ZNF592: variants seen among roughly 807,000 people sequenced by gnomAD.
ZNF592 encodes the protein zinc finger protein 592.
ZNF592 carries 11 observed loss-of-function variants against 80.3 expected under a neutral mutation model. The observed-to-expected ratio is 0.14, with a 90% CI of 0.09 to 0.23. ZNF592 has a LOEUF of 0.23. Ranked by LOEUF, ZNF592 falls within the 10% of genes least tolerant of loss-of-function variation. ZNF592 has a pLI of 1.00. For missense variants in ZNF592, 1,420 were observed against 1,633.9 expected (o/e 0.87, Z 2.26); for synonymous variants, 646 against 640.3 (o/e 1.01, Z -0.13).
In ZNF592 at chr15:84,784,902, A is replaced by G. The variant is rs759357901; in HGVS notation, c.2220+7A>G. ...AGAGGAGACAGAGGGGCTGGTAAGC[A>G]GACCCTCACTGTTACGGGTATCGGG... is the stretch of plus-strand genomic sequence containing the variant. On this transcript the variant is annotated splice_region_variant and intron_variant, in intron 4 of 10. Coordinates refer to ENST00000560079, the MANE Select transcript of ZNF592 (RefSeq NM_014630.3). This position sits in a 1 kb window ranked among gnomAD's most constrained non-coding sequence, Gnocchi z 5.8. 6.2e-7 allele frequency: 1 copy of G among 1,614,134 alleles called. No individual in the cohort carries two copies. The highest frequency in any genetic ancestry group is 1.1e-5 in the South Asian group (1 of 91,044).
chr15:84,779,403 T>G (rs1962356265), intron 3 of ZNF592, among the ~76,000 whole-genome samples: 1 of 152,208 alleles, frequency 6.6e-6, no homozygotes, highest in African/African-American at 2.4e-5. Context: ...CAGTTATTGA[T>G]TGCTGCTGTT....
At chr15:84,782,244 C>T (rs866991152) in intron 3 of ZNF592, among the ~76,000 whole-genome samples, 4 of 152,234 alleles carry the variant, frequency 2.6e-5, no homozygotes, top group Non-Finnish European at 4.4e-5. Context: ...GAAGTTATAG[C>T]CAGGTTTCAT....
chr15:84,783,884 G>C lies in ZNF592; in HGVS notation c.1209G>C (p.Lys403Asn). The C allele has an allele frequency of 6.2e-7, 1 of 1,614,212 alleles. No individual in the cohort carries two copies. Residue 403 changes from lysine to asparagine, a missense_variant, in exon 4 of 11, where the codon AAG (lysine) becomes AAC (asparagine). This residue lies in a region of ZNF592 where 524 missense variants were observed against 628.3 expected (regional missense o/e 0.83). Transcript: ENST00000560079. The surrounding 1 kb of genome is among the most constrained non-coding windows in gnomAD (Gnocchi z 5.0). Reference protein sequence around the residue: ...RILPDPDDPSKSPVGSPLGSA... With the variant: ...RILPDPDDPSNSPVGSPLGSA... ...TGCCAGATCCTGATGATCCAAGTAAGTCCCCTGTTGGGTCACCTCTAGGGA... is the reference window on the plus strand; with the variant it reads ...TGCCAGATCCTGATGATCCAAGTAACTCCCCTGTTGGGTCACCTCTAGGGA...
chr15:84,797,890 C>G lies in ZNF592; in HGVS notation c.2421C>G (p.Val807=). ...CTAGGTGCATCCACTGTGGTGTCGT[C>G]CACCTGACCTTGGCCTTGCTGAAAA... is the stretch of plus-strand genomic sequence containing the variant. ...VGYRCIHCGV[V]HLTLALLKSH... is the part of the protein sequence containing the mutation. The change falls in exon 6 of 11, where the codon GTC becomes GTG. Residue 807 remains valine, a synonymous_variant. Coordinates refer to ENST00000560079, the MANE Select transcript of ZNF592 (RefSeq NM_014630.3). The G allele has an allele frequency of 1.9e-6, 3 of 1,614,230 alleles. No individual in the cohort carries two copies. Among genetic ancestry groups the G allele is most frequent in the Non-Finnish European group, 2.5e-6 (3 of 1,180,038 alleles).
At chr15:84,779,082 G>C (rs1273715272) in intron 3 of ZNF592, among the ~76,000 whole-genome samples, 1 of 152,230 alleles carries the variant, frequency 6.6e-6, no homozygotes, top group Non-Finnish European at 1.5e-5. Flanking sequence ...TAGAGAGACA[G>C]AGGGAGGGGG....
chr15:84,764,061 C>G (rs72753029), intron 1 of ZNF592, among the ~76,000 whole-genome samples: 3,586 of 152,334 alleles, frequency 0.024, 67 homozygotes, highest in Non-Finnish European at 0.039. Context: ...TCCTACACTG[C>G]TATCTGCCCC....
At position 84,797,857 on chromosome 15, in the gene ZNF592, A is replaced by T; in HGVS notation, c.2400-12A>T. On this transcript the variant is annotated splice_polypyrimidine_tract_variant and intron_variant, in intron 5 of 10. Coordinates refer to ENST00000560079, the MANE Select transcript of ZNF592 (RefSeq NM_014630.3). The stretch of plus-strand genomic sequence containing the variant: ...ACTCCACCCACACTCACACTACCCC[A>T]CTTCTGTCTAGGTGCATCCACTGTG... 6.2e-7 allele frequency: 1 copy of T among 1,613,910 alleles called. No homozygotes were observed. Among genetic ancestry groups the T allele is most frequent in the Non-Finnish European group, 8.5e-7 (1 of 1,179,970 alleles).
chr15:84,748,771 G>A (rs1389980512), intron 1 of ZNF592, 107 bp downstream of exon 1: 3 of 147,040 alleles, frequency 2.0e-5, no homozygotes, highest in Non-Finnish European at 4.5e-5. Context: ...CCGAGCCGGG[G>A]CCCGGCCCTG....
chr15:84,784,778 A>G lies in ZNF592; in HGVS notation c.2103A>G (p.Pro701=), dbSNP rs1021850468. The G allele has an allele frequency of 1.9e-6, 3 of 1,614,084 alleles. No homozygotes were observed. The highest frequency in any genetic ancestry group is 2.5e-6 in the Non-Finnish European group (3 of 1,180,014). Residue 701 remains proline (P), a synonymous_variant, in exon 4 of 11, where the codon CCA becomes CCG. Transcript: ENST00000560079. The surrounding 1 kb of genome is among the most constrained non-coding windows in gnomAD (Gnocchi z 5.8). The part of the protein sequence containing the change: ...SPPPPALPLY[P]DPVRLIRYSI... ...CTCCTCCAGCCTTGCCACTCTACCC[A>G]GACCCTGTGAGGCTCATCCGGTACT...
intron 1 of ZNF592, among the ~76,000 whole-genome samples, chr15:84,759,587 A>G (rs1899281127): frequency 1.3e-5 from 2 of 151,968 alleles, no homozygotes; most frequent in Non-Finnish European, 2.9e-5. Flanking sequence ...TCCTGTTTTA[A>G]ATTATTTATA....
Position 84,784,576 on chromosome 15 carries a change from G to A in ZNF592, c.1901G>A (p.Arg634Gln), listed in dbSNP as rs765449529. The change falls in exon 4 of 11, where the codon CGG becomes CAG. Residue 634 changes from arginine (R) to glutamine (Q), a missense_variant. Around this residue, in one of 7 missense-constraint regions of ZNF592, gnomAD observed 524 missense variants for 628.3 expected, o/e 0.83. Coordinates refer to ENST00000560079, the MANE Select transcript of ZNF592 (RefSeq NM_014630.3). This position sits in a 1 kb window ranked among gnomAD's most constrained non-coding sequence, Gnocchi z 5.8. ...TTCTTCAACAAGTGCAGCCTGCTCC[G>A]GCACGCCCGTGACCACAAGAGCAAG... Reference protein sequence around the residue: ...LLFFNKCSLLRHARDHKSKGL... With the variant: ...LLFFNKCSLLQHARDHKSKGL... 5.0e-6 allele frequency: 8 copies of A among 1,614,172 alleles called. No individual in the cohort carries two copies. Among genetic ancestry groups the A allele is most frequent in the Middle Eastern group, 1.6e-4 (1 of 6,062 alleles).
intron 2 of ZNF592, among the ~76,000 whole-genome samples, chr15:84,776,923 G>A (rs529317825): frequency 7.4e-4 from 112 of 151,878 alleles, no homozygotes; most frequent in Non-Finnish European, 1.4e-3. Flanking sequence ...GTGGTGGTGC[G>A]TGCCTATAAT....
rs910585869 is a variant in ZNF592 at position 84,798,040 on chromosome 15, C to T, written c.2571C>T (p.Pro857=). 3.7e-6 allele frequency: 6 copies of T among 1,613,728 alleles called. No homozygotes were observed. The African/African-American group carries it at 6.7e-5, about 18-fold the overall frequency. The change falls in exon 6 of 11, where the codon CCC becomes CCT. Residue 857 remains proline, a synonymous_variant. Transcript: ENST00000560079. This position sits in a 1 kb window ranked among gnomAD's most constrained non-coding sequence, Gnocchi z 4.5. ...AGCACCCCACCCAGCCCCACAGACC[C>T]TCCCAGTGAGTGCAGCTCCAGGGCC... ...ATQHPTQPHR[P]SQLIYKCSCE...
Position 84,799,268 on chromosome 15 carries a change from C to A in ZNF592, c.3137+58C>A. On this transcript the variant is annotated intron_variant, in intron 9 of 10. Coordinates refer to ENST00000560079, the MANE Select transcript of ZNF592 (RefSeq NM_014630.3). This position sits in a 1 kb window ranked among gnomAD's most constrained non-coding sequence, Gnocchi z 4.2. ...GAGGTTCAAAAGACTCTGTCCGTGG[C>A]ACCACTGGGGCTTTTCTGTGCTGCA... 6.6e-7 allele frequency: 1 copy of A among 1,510,344 alleles called. No individual in the cohort carries two copies. The allele number at this position is 1,510,344 out of a possible 1,614,324, so 93.6% of individuals were successfully genotyped here. A position where few individuals can be genotyped will look rare whatever the true frequency, so the allele number is the denominator to read the frequency against.
Position 84,786,133 on chromosome 15 carries a change from C to CA in ZNF592, c.2220+1239dup, listed in dbSNP as rs935627439. Among the ~76,000 whole-genome samples the CA allele has an allele frequency of 1.6e-4, 25 of 152,258 alleles. No homozygotes were observed. In the South Asian group the frequency reaches 1.7e-3, roughly 10 times the overall value. On this transcript the variant is annotated intron_variant, in intron 4 of 10. Transcript: ENST00000560079. ...GCTTTGCATGTGTTCCCTGAGTGCC[C>CA]ACTGTGCATGGGCTGGGGGTCTATG...
rs138966830 is a variant in ZNF592 at position 84,783,708 on chromosome 15, C to A, written c.1033C>A (p.Pro345Thr). The A allele has an allele frequency of 3.4e-5, 55 of 1,614,140 alleles. No homozygotes were observed. Among genetic ancestry groups the A allele is most frequent in the Non-Finnish European group, 4.2e-5 (50 of 1,180,046 alleles). The change falls in exon 4 of 11, where the codon CCA (proline) becomes ACA (threonine). Residue 345 changes from proline (P) to threonine (T), a missense_variant. By Grantham distance (38) the Pro-to-Thr change is conservative. Around this residue, in one of 7 missense-constraint regions of ZNF592, gnomAD observed 524 missense variants for 628.3 expected, o/e 0.83. Transcript: ENST00000560079. The surrounding 1 kb of genome is among the most constrained non-coding windows in gnomAD (Gnocchi z 5.0). ...GGAGGCCACTAGAAAAAGTATCAAG[C>A]CATCGGACAGCCCTCGTAGCATCTG... ...PLEATRKSIK[P>T]SDSPRSICSD...
chr15:84,756,041 C>A (rs983402678), intron 1 of ZNF592, among the ~76,000 whole-genome samples: 1 of 152,140 alleles, frequency 6.6e-6, no homozygotes, highest in African/African-American at 2.4e-5. Context: ...GGGCTGACTC[C>A]TATGGACCAT....
At chr15:84,758,330 T>C (rs887742550) in intron 1 of ZNF592, among the ~76,000 whole-genome samples, 4 of 152,064 alleles carry the variant, frequency 2.6e-5, no homozygotes, top group Non-Finnish European at 5.9e-5. Context: ...TTGTCTAGAC[T>C]GTAGTGCAGT....
intron 1 of ZNF592, among the ~76,000 whole-genome samples, chr15:84,761,373 A>T (rs1200943542): frequency 6.6e-6 from 1 of 152,092 alleles, no homozygotes; most frequent in Non-Finnish European, 1.5e-5. Context: ...CAGAGAGGGC[A>T]AGGAAAGAGC....
Sources: gnomAD v4.1 joint callset for allele counts (sites outside exome capture counted in the v4.1 genomes callset) on GRCh38, gnomAD v4.1.1 for gene constraint, gnomAD v4.1.1 regional missense constraint, Gnocchi (gnomAD v3.1) non-coding constraint, MANE v1.5 for transcripts, NCBI Gene and HGNC (gene_info 2026-07-23, HGNC 2026-07-21) for gene names.